The following USP25 variants were observed in gnomAD, a reference collection of about 807,000 sequenced individuals.
USP25 encodes the protein ubiquitin specific peptidase 25.
Under a neutral mutation model 158.5 loss-of-function variants are expected in USP25, and 85 were observed. That is an observed-to-expected ratio of 0.54 (90% CI 0.45 to 0.64). The LOEUF (loss-of-function observed/expected upper bound fraction) is 0.64. Ranked by LOEUF, USP25 falls within the 30% of genes least tolerant of loss-of-function variation. USP25 has a pLI of 0.00. For missense variants in USP25, 1,242 were observed against 1,327.3 expected (o/e 0.94, Z 1.00); for synonymous variants, 464 against 460.4 (o/e 1.01, Z -0.10).
chr21:15,824,763 C>T (rs961340596), intron 11 of USP25, among the ~76,000 whole-genome samples: 1 of 152,132 alleles, frequency 6.6e-6, no homozygotes, highest in African/African-American at 2.4e-5. Context: ...ATTACAGACA[C>T]CCACCATCGT....
At chr21:15,757,379 T>C (rs115320011) in intron 1 of USP25, among the ~76,000 whole-genome samples, 1,640 of 152,330 alleles carry the variant, frequency 0.011, 23 homozygotes, top group African/African-American at 0.037. Flanking sequence ...TCAGTCAAGA[T>C]TTATGAAAAC....
rs553878381 is a variant in USP25, at chr21:15,849,717, T to C, written c.2452-60T>C. On this transcript the variant is annotated intron_variant, in intron 19 of 25. Coordinates refer to ENST00000400183, the MANE Select transcript of USP25 (RefSeq NM_001283041.3). ...GAAAACAAAAGAGTTTCAGCTTGCA[T>C]GTGAATAAATTATTTTAGTTTAAAA... The C allele has an allele frequency of 1.6e-5, 20 of 1,274,590 alleles. No homozygotes were observed. In the South Asian group the frequency reaches 2.9e-4, roughly 18 times the overall value. 79.0% of individuals were successfully genotyped at this position (1,274,590 alleles called of 1,614,324 possible). A position where few individuals can be genotyped will look rare whatever the true frequency, so the allele number is the denominator to read the frequency against.
At position 15,847,624 on chromosome 21, in the gene USP25, C is replaced by T. The variant is rs553590561; in HGVS notation, c.2338-39C>T. 7.4e-5 allele frequency: 104 copies of T among 1,406,610 alleles called. No homozygotes were observed. The African/African-American group carries it at 1.4e-3, about 19-fold the overall frequency. The allele number at this position is 1,406,610 out of a possible 1,614,324, so 87.1% of individuals were successfully genotyped here. The stretch of plus-strand genomic sequence containing the variant: ...AAGGATGCCATTGTTCTCCACTGTT[C>T]TCTTTTCTAATGTTTATATTAATGA... On this transcript the variant is annotated intron_variant, in intron 18 of 25. Coordinates refer to ENST00000400183, the MANE Select transcript of USP25 (RefSeq NM_001283041.3).
chr21:15,826,491 G>C lies in USP25; in HGVS notation c.1466+126G>C. 9.3e-7 allele frequency: 1 copy of C among 1,077,648 alleles called. No homozygotes were observed. Among genetic ancestry groups the C allele is most frequent in the Non-Finnish European group, 1.3e-6 (1 of 753,416 alleles). 66.8% of individuals were successfully genotyped at this position (1,077,648 alleles called of 1,614,324 possible). A position where few individuals can be genotyped will look rare whatever the true frequency, so the allele number is the denominator to read the frequency against. ...TTACTTCAGTGAACTCCTAAGAGTA[G>C]ATTCACTTAGAAGACTGTATGTCCT... On this transcript the variant is annotated intron_variant, in intron 13 of 25. Coordinates refer to ENST00000400183, the MANE Select transcript of USP25 (RefSeq NM_001283041.3). This position sits in a 1 kb window ranked among gnomAD's most constrained non-coding sequence, Gnocchi z 4.8.
intron 8 of USP25, among the ~76,000 whole-genome samples, chr21:15,809,905 A>G (rs896716102): frequency 2.0e-5 from 3 of 152,164 alleles, no homozygotes; most frequent in African/African-American, 7.2e-5. Flanking sequence ...TCACAAAAGG[A>G]CAGGTACTAT....
intron 6 of USP25, among the ~76,000 whole-genome samples, chr21:15,802,987 T>C (rs897603250): frequency 6.6e-6 from 1 of 151,566 alleles, no homozygotes; most frequent in South Asian, 2.1e-4. Context: ...ACATACTCTG[T>C]AGACACTAAA....
At chr21:15,777,830 A>G in intron 3 of USP25, 74 bp from the exon 4 acceptor site, 1 of 1,420,528 alleles carries the variant, frequency 7.0e-7, no homozygotes, top group Non-Finnish European at 9.4e-7. Context: ...TATATTGGAT[A>G]TAAAATCTCC....
intron 16 of USP25, among the ~76,000 whole-genome samples, chr21:15,832,950 G>A (rs1436125749): frequency 2.6e-5 from 4 of 152,152 alleles, no homozygotes; most frequent in East Asian, 3.9e-4. Flanking sequence ...CCCGGAAGGC[G>A]GAGGTTGCAG....
At chr21:15,844,792 G>A (rs2038501376) in intron 18 of USP25, among the ~76,000 whole-genome samples, 1 of 152,004 alleles carries the variant, frequency 6.6e-6, no homozygotes, top group East Asian at 1.9e-4. Context: ...ATTTTAATAT[G>A]TAGATTTGGG....
intron 21 of USP25, among the ~76,000 whole-genome samples, chr21:15,865,243 AT>A (rs913125040): frequency 6.6e-6 from 1 of 152,144 alleles, no homozygotes; most frequent in Non-Finnish European, 1.5e-5. Flanking sequence ...CCCATGTGAA[AT>A]TTTAGAGTAT....
At chr21:15,730,860 C>T (rs1275669359) in intron 1 of USP25, among the ~76,000 whole-genome samples, 1 of 152,070 alleles carries the variant, frequency 6.6e-6, no homozygotes, top group South Asian at 2.1e-4. Flanking sequence ...CGGTCTCCAC[C>T]AAAATCGAAT....
intron 1 of USP25, among the ~76,000 whole-genome samples, chr21:15,750,394 T>C (rs2032914995): frequency 6.9e-6 from 1 of 144,570 alleles, no homozygotes; most frequent in Admixed American, 6.8e-5. Context: ...CGCGCCTGGC[T>C]AATTTTTGTA....
intron 3 of USP25, among the ~76,000 whole-genome samples, chr21:15,772,748 G>T (rs1202877766): frequency 2.6e-5 from 4 of 152,142 alleles, no homozygotes; most frequent in Non-Finnish European, 4.4e-5. Flanking sequence ...AATAAATTGG[G>T]TTTAACCAGT....
At chr21:15,787,902 A>AACCCC (rs2035376132) in intron 4 of USP25, among the ~76,000 whole-genome samples, 1 of 83,650 alleles carries the variant, frequency 1.2e-5, no homozygotes, top group Non-Finnish European at 2.6e-5. Context: ...ACACCCCCTC[A>AACCCC]CCCCCCCCCC....
At chr21:15,769,208 G>A in intron 3 of USP25, among the ~76,000 whole-genome samples, 1 of 151,990 alleles carries the variant, frequency 6.6e-6, no homozygotes, top group East Asian at 1.9e-4. Context: ...CTTTAATATT[G>A]AAGAAGTAAA....
chr21:15,745,333 A>G (rs2032446274), intron 1 of USP25, among the ~76,000 whole-genome samples: 1 of 152,108 alleles, frequency 6.6e-6, no homozygotes, highest in African/African-American at 2.4e-5. Context: ...TGTATATGTA[A>G]TTACAAATAC....
intron 23 of USP25, among the ~76,000 whole-genome samples, chr21:15,873,914 A>AT (rs144345404): frequency 0.13 from 19,992 of 149,220 alleles, 1,335 homozygotes; most frequent in East Asian, 0.18. Context: ...TCTTATTTCT[A>AT]TTTTTTTTTT....
chr21:15,868,788 C>G (rs1390157473), intron 22 of USP25, among the ~76,000 whole-genome samples: 2 of 152,122 alleles, frequency 1.3e-5, no homozygotes, highest in African/African-American at 4.8e-5. Flanking sequence ...TGGCCTTTTA[C>G]AGAAAAAGTT....
At chr21:15,744,353 G>A (rs189061629) in intron 1 of USP25, 2 of 152,354 alleles carry the variant, frequency 1.3e-5, no homozygotes, top group Admixed American at 6.5e-5. Context: ...TGAGACAAAG[G>A]TCTCACCGTG....
Sources: allele counts gnomAD v4.1 joint callset (sites outside exome capture counted in the v4.1 genomes callset), GRCh38; gene constraint gnomAD v4.1.1; non-coding constraint Gnocchi (gnomAD v3.1); transcripts MANE v1.5; gene names NCBI Gene and HGNC (gene_info 2026-07-23, HGNC 2026-07-21).